The following SORCS2 variants were observed in gnomAD, a reference collection of about 807,000 sequenced individuals.
SORCS2 encodes sortilin related VPS10 domain containing receptor 2.
In SORCS2, 100 loss-of-function variants were observed where a neutral mutation model predicts 141.6. The ratio of observed to expected loss-of-function variants is 0.71; its 90% confidence interval spans 0.60 to 0.83. SORCS2 has a LOEUF of 0.83. SORCS2 is among the 40% of genes least tolerant of loss of function. The probability of loss-of-function intolerance (pLI) is 0.00; values close to 1 mark genes in which losing one functional copy is unlikely to be tolerated. For synonymous variants in SORCS2, 789 were observed against 676.9 expected, an observed-to-expected ratio of 1.17 and a Z score of -2.57; for missense variants, 1,646 against 1,560.2, an observed-to-expected ratio of 1.05 and a Z score of -0.93.
At chr4:7,510,155 A>T (rs1577676057) in intron 2 of SORCS2, among the ~76,000 whole-genome samples, 1 of 152,200 alleles carries the variant, frequency 6.6e-6, no homozygotes, top group Non-Finnish European at 1.5e-5. Context: ...GGGTTTCGGC[A>T]TTGCTGCCTC....
chr4:7,258,024 C>G (rs547749854), intron 1 of SORCS2, among the ~76,000 whole-genome samples: 81 of 152,342 alleles, frequency 5.3e-4, no homozygotes, highest in African/African-American at 1.9e-3. Flanking sequence ...TCTGCTCTGT[C>G]CTCTTCCTCC....
At chr4:7,514,760 T>G (rs1041104704) in intron 2 of SORCS2, among the ~76,000 whole-genome samples, 1 of 152,022 alleles carries the variant, frequency 6.6e-6, no homozygotes, top group Non-Finnish European at 1.5e-5. Context: ...GTGTCGGGGT[T>G]TTTACTTCAG....
intron 1 of SORCS2, among the ~76,000 whole-genome samples, chr4:7,194,756 T>A (rs953340643): frequency 6.6e-6 from 1 of 152,114 alleles, no homozygotes; most frequent in African/African-American, 2.4e-5. Context: ...TGCTCTACCA[T>A]AAGCTCTAAC....
At chr4:7,338,212 GGA>G in intron 1 of SORCS2, among the ~76,000 whole-genome samples, 2 of 151,386 alleles carry the variant, frequency 1.3e-5, no homozygotes, top group East Asian at 3.9e-4. Context: ...TTGGTTGGAT[GGA>G]TGGATGGATG....
At chr4:7,668,545 A>G (rs1175365580) in intron 8 of SORCS2, among the ~76,000 whole-genome samples, 1 of 152,194 alleles carries the variant, frequency 6.6e-6, no homozygotes, top group East Asian at 1.9e-4. Context: ...GTGCTTGCAC[A>G]TGGGAGCTTC....
Position 7,725,253 on chromosome 4 carries a change from C to A in SORCS2, c.2711C>A (p.Thr904Asn). The A allele has an allele frequency of 6.2e-7, 1 of 1,613,546 alleles. No individual in the cohort carries two copies. Among genetic ancestry groups the A allele is most frequent in the Non-Finnish European group, 8.5e-7 (1 of 1,179,646 alleles). ...AVLLPLNPNL[T>N]VFYWWIGHSL... is the part of the protein sequence containing the mutation. ...CTGCTTCCCTTGAACCCTAACCTCA[C>A]CGTCTTCTACTGGTGGATCGGCCAC... is the stretch of plus-strand genomic sequence containing the variant. Residue 904 changes from threonine to asparagine, a missense_variant, in exon 20 of 27, where the codon ACC (threonine) becomes AAC (asparagine). By Grantham distance (65) the Thr-to-Asn change is moderately conservative. Coordinates refer to ENST00000507866, the MANE Select transcript of SORCS2 (RefSeq NM_020777.3).
chr4:7,201,067 A>G lies in SORCS2; in HGVS notation c.480+7941A>G, dbSNP rs1727460491. ...GGTGAAATGTTTGGTCTGGACAGGA[A>G]TTCACCCCAGCGCGTTCTAGGTGCC... On this transcript the variant is annotated intron_variant, in intron 1 of 26. Transcript: ENST00000507866. This position sits in a 1 kb window ranked among gnomAD's most constrained non-coding sequence, Gnocchi z 4.4. Among the ~76,000 whole-genome samples the G allele has an allele frequency of 6.6e-6, 1 of 152,138 alleles. No individual in the cohort carries two copies. Among genetic ancestry groups the G allele is most frequent in the Non-Finnish European group, 1.5e-5 (1 of 68,026 alleles).
intron 5 of SORCS2, among the ~76,000 whole-genome samples, chr4:7,655,464 T>A (rs1451654079): frequency 6.6e-6 from 1 of 152,264 alleles, no homozygotes; most frequent in Non-Finnish European, 1.5e-5. Flanking sequence ...GAGGTTCAAG[T>A]TGGCGGCTGC....
chr4:7,334,021 G>T (rs1268103733), intron 1 of SORCS2, among the ~76,000 whole-genome samples: 1 of 152,128 alleles, frequency 6.6e-6, no homozygotes, highest in Non-Finnish European at 1.5e-5. Flanking sequence ...CTGGGACCTT[G>T]TCCAGCCTCA....
intron 2 of SORCS2, among the ~76,000 whole-genome samples, chr4:7,429,880 A>T (rs1726709789): frequency 6.6e-6 from 1 of 152,184 alleles, no homozygotes; most frequent in East Asian, 1.9e-4. Flanking sequence ...GGGGAATAGA[A>T]TAAGAATAGT....
intron 3 of SORCS2, among the ~76,000 whole-genome samples, chr4:7,614,604 A>G (rs1718633968): frequency 2.7e-5 from 2 of 74,526 alleles, no homozygotes; most frequent in Admixed American, 1.2e-4. Flanking sequence ...CCATCCACCT[A>G]TCCACCTATC....
intron 26 of SORCS2, among the ~76,000 whole-genome samples, chr4:7,739,503 C>A (rs188330545): frequency 2.5e-3 from 384 of 152,314 alleles, no homozygotes; most frequent in African/African-American, 8.8e-3. Context: ...GCCAGCCTTG[C>A]CAATGCAGCA....
chr4:7,485,198 C>G (rs1313779288), intron 2 of SORCS2, among the ~76,000 whole-genome samples: 1 of 152,230 alleles, frequency 6.6e-6, no homozygotes, highest in African/African-American at 2.4e-5. Context: ...CTCCTGCAGC[C>G]TTCGGTCCCC....
At chr4:7,314,461 T>G (rs2108928979) in intron 1 of SORCS2, among the ~76,000 whole-genome samples, 1 of 151,870 alleles carries the variant, frequency 6.6e-6, no homozygotes, top group East Asian at 1.9e-4. Context: ...TACCTCAGCC[T>G]CCCGAGTAGC....
At position 7,663,659 on chromosome 4, in the gene SORCS2, G is replaced by A. The variant is rs568179979; in HGVS notation, c.953-694G>A. On this transcript the variant is annotated intron_variant, in intron 6 of 26. Coordinates refer to ENST00000507866, the MANE Select transcript of SORCS2 (RefSeq NM_020777.3). This position sits in a 1 kb window ranked among gnomAD's most constrained non-coding sequence, Gnocchi z 4.8. ...GGGTGGGCTTTTCTGGTTTCTAAAC[G>A]TCTTCCCTTAACCATTCTCCATGCT... is the stretch of plus-strand genomic sequence containing the variant. 1.5e-4 allele frequency among the ~76,000 whole-genome samples: 23 copies of A among 152,322 alleles called. No individual in the cohort carries two copies. In the South Asian group the frequency reaches 2.3e-3, roughly 15 times the overall value.
At chr4:7,647,186 G>A (rs1344622319) in intron 4 of SORCS2, among the ~76,000 whole-genome samples, 2 of 151,848 alleles carry the variant, frequency 1.3e-5, no homozygotes, top group Non-Finnish European at 2.9e-5. Context: ...AGATGATTGA[G>A]CTTGGGGAAC....
At chr4:7,454,600 G>C (rs74879912) in intron 2 of SORCS2, among the ~76,000 whole-genome samples, 1 of 136,270 alleles carries the variant, frequency 7.3e-6, no homozygotes, top group Non-Finnish European at 1.6e-5. Flanking sequence ...TGCTGTGTTG[G>C]GGTCAGGCAC....
intron 1 of SORCS2, among the ~76,000 whole-genome samples, chr4:7,218,180 G>A (rs4234797): frequency 0.64 from 98,050 of 152,028 alleles, 31,784 homozygotes; most frequent in African/African-American, 0.71. Flanking sequence ...AGGTCAGATT[G>A]AGCAATTAGA....
chr4:7,536,840 G>T (rs1259763403), intron 3 of SORCS2, among the ~76,000 whole-genome samples: 9 of 45,582 alleles, frequency 2.0e-4, no homozygotes, highest in African/African-American at 3.5e-4. Context: ...TGTGGGGGGG[G>T]GGGGCGGGCA....
Sources: allele counts gnomAD v4.1 joint callset (sites outside exome capture counted in the v4.1 genomes callset), GRCh38; gene constraint gnomAD v4.1.1; non-coding constraint Gnocchi (gnomAD v3.1); transcripts MANE v1.5; gene names NCBI Gene and HGNC (gene_info 2026-07-23, HGNC 2026-07-21).